The following PLCB4 variants were observed in gnomAD, a reference collection of about 807,000 sequenced individuals.
PLCB4 encodes phospholipase C beta 4, also known as 1-phosphatidylinositol 4,5-bisphosphate phosphodiesterase beta-4.
Under a neutral mutation model 178.8 loss-of-function variants are expected in PLCB4, and 77 were observed. That is an observed-to-expected ratio of 0.43 (90% CI 0.36 to 0.52). The LOEUF (loss-of-function observed/expected upper bound fraction) is 0.52, where lower values mean the gene tolerates loss of function less well. Among genes scored for constraint, PLCB4 ranks in the 20% least tolerant of loss-of-function variants. The pLI is 0.00. For synonymous variants in PLCB4, 496 were observed against 490.8 expected, an observed-to-expected ratio of 1.01 and a Z score of -0.14; for missense variants, 1,024 against 1,453.4, an observed-to-expected ratio of 0.70 and a Z score of 4.80.
At chr20:9,450,658 CTTTTTTTTTT>C (rs60982044) in intron 32 of PLCB4, among the ~76,000 whole-genome samples, 1 of 100,248 alleles carries the variant, frequency 1.0e-5, no homozygotes, top group South Asian at 3.3e-4. Flanking sequence ...CTTTTCTTTT[CTTTTTTTTTT>C]TTTTTTTTTT....
intron 3 of PLCB4, among the ~76,000 whole-genome samples, chr20:9,281,019 G>T (rs2094490819): frequency 6.6e-6 from 1 of 150,980 alleles, no homozygotes; most frequent in Non-Finnish European, 1.5e-5. Flanking sequence ...TCTGAAATTA[G>T]TTTCCCATAT....
chr20:9,450,321 T>A (rs1415708859), intron 32 of PLCB4, among the ~76,000 whole-genome samples: 8 of 152,158 alleles, frequency 5.3e-5, no homozygotes, highest in Admixed American at 4.6e-4. Context: ...TACAGCACAA[T>A]GAGCTGAGAC....
intron 4 of PLCB4, among the ~76,000 whole-genome samples, chr20:9,329,515 C>T (rs2031308549): frequency 6.6e-6 from 1 of 152,066 alleles, no homozygotes; most frequent in South Asian, 2.1e-4. Context: ...GTGCCACAGG[C>T]CTTTTGAATT....
At chr20:9,146,078 T>C (rs1039189527) in intron 2 of PLCB4, among the ~76,000 whole-genome samples, 1 of 152,154 alleles carries the variant, frequency 6.6e-6, no homozygotes, top group Admixed American at 6.6e-5. Context: ...AAAATAATTC[T>C]GTCAAAAGAT....
intron 20 of PLCB4, among the ~76,000 whole-genome samples, chr20:9,403,226 A>G (rs2039176039): frequency 6.6e-6 from 1 of 152,214 alleles, no homozygotes; most frequent in South Asian, 2.1e-4. Context: ...AGGTTGAGCT[A>G]GAGATACAAG....
At chr20:9,081,149 T>C (rs2090127125) in intron 1 of PLCB4, among the ~76,000 whole-genome samples, 1 of 152,196 alleles carries the variant, frequency 6.6e-6, no homozygotes, top group Non-Finnish European at 1.5e-5. Flanking sequence ...TCTCAGGAGT[T>C]TACAGTTTAC....
chr20:9,456,542 T>C (rs1225425736), intron 33 of PLCB4, among the ~76,000 whole-genome samples: 1 of 152,248 alleles, frequency 6.6e-6, no homozygotes, highest in African/African-American at 2.4e-5. Context: ...CATGCCCTTA[T>C]GCCCTCAGAT....
At position 9,423,908 on chromosome 20, in the gene PLCB4, T is replaced by C. The variant is rs1231518182; in HGVS notation, c.2480T>C (p.Phe827Ser). The C allele has an allele frequency of 6.2e-7, 1 of 1,613,550 alleles. No individual in the cohort carries two copies. Among genetic ancestry groups the C allele is most frequent in the East Asian group, 2.2e-5 (1 of 44,882 alleles). ...GNKPLSLPTI[F>S]CNIVLKTYVP... ...AAACCATTATCACTACCAACAATTT[T>C]CTGCAATATTGTTCTTAAAACATAT... The change falls in exon 28 of 40, where the codon TTC (phenylalanine) becomes TCC (serine). Residue 827 changes from phenylalanine to serine, a missense_variant. Physicochemically the swap from Phe to Ser is radical, Grantham distance 155. This residue lies in a region of PLCB4 where 227 missense variants were observed against 374.3 expected (regional missense o/e 0.61). Transcript: ENST00000378473.
intron 35 of PLCB4, among the ~76,000 whole-genome samples, chr20:9,467,133 C>T (rs1293105688): frequency 6.6e-6 from 1 of 152,154 alleles, no homozygotes; most frequent in East Asian, 1.9e-4. Context: ...TTTGCAGAGA[C>T]ATGGATGAAG....
intron 7 of PLCB4, among the ~76,000 whole-genome samples, chr20:9,355,338 C>CT (rs1206443993): frequency 2.0e-5 from 3 of 151,844 alleles, no homozygotes; most frequent in Non-Finnish European, 4.4e-5. Flanking sequence ...TACATGTGCA[C>CT]AATGTGCAGG....
At chr20:9,333,771 C>A (rs544784584) in intron 4 of PLCB4, among the ~76,000 whole-genome samples, 1 of 151,474 alleles carries the variant, frequency 6.6e-6, no homozygotes, top group Non-Finnish European at 1.5e-5. Context: ...GGTGTGTATT[C>A]GAAATATTAT....
chr20:9,292,674 G>A lies in PLCB4; in HGVS notation c.-15-15126G>A, dbSNP rs184905327. Among the ~76,000 whole-genome samples, 4 of 152,294 alleles carry A rather than the reference G, an allele frequency of 2.6e-5. No homozygotes were observed. The East Asian group carries it at 5.8e-4, about 22-fold the overall frequency. ...GAATGGAAACTCATTCTACAGGCCT[G>A]GTTTTAGCCTGCAGCAGGCAGGCAG... On this transcript the variant is annotated intron_variant, in intron 3 of 39. Transcript: ENST00000378473.
intron 4 of PLCB4, among the ~76,000 whole-genome samples, chr20:9,320,033 A>G (rs1023671768): frequency 1.3e-5 from 2 of 152,182 alleles, no homozygotes; most frequent in African/African-American, 4.8e-5. Context: ...CTCGCCCAAG[A>G]AAGAATTAGA....
At chr20:9,087,300 A>C (rs919206781) in intron 1 of PLCB4, among the ~76,000 whole-genome samples, 1 of 152,184 alleles carries the variant, frequency 6.6e-6, no homozygotes, top group African/African-American at 2.4e-5. Flanking sequence ...CACAAGACTT[A>C]TTTTATACTA....
intron 1 of PLCB4, among the ~76,000 whole-genome samples, chr20:9,072,270 C>G (rs1220938912): frequency 6.6e-6 from 1 of 152,148 alleles, no homozygotes; most frequent in Non-Finnish European, 1.5e-5. Context: ...CTATTTCCCT[C>G]TCATATTGGG....
chr20:9,085,299 C>T (rs953150827), intron 1 of PLCB4, among the ~76,000 whole-genome samples: 1 of 152,082 alleles, frequency 6.6e-6, no homozygotes, highest in Non-Finnish European at 1.5e-5. Context: ...GAAATGACCA[C>T]TGGTTTGGTC....
Position 9,372,413 on chromosome 20 carries a change from A to T in PLCB4, c.686+10A>T. The T allele has an allele frequency of 7.4e-7, 1 of 1,359,532 alleles. No individual in the cohort carries two copies. Among genetic ancestry groups the T allele is most frequent in the Non-Finnish European group, 1.0e-6 (1 of 957,030 alleles). The allele number at this position is 1,359,532 out of a possible 1,614,324, so 84.2% of individuals were successfully genotyped here. ...ATCTTTTCAAAAAAATGTAAGTTCC[A>T]CTTATGAGGAAGTGCCATATAAATA... On this transcript the variant is annotated intron_variant, in intron 11 of 39. Coordinates refer to ENST00000378473, the MANE Select transcript of PLCB4 (RefSeq NM_001377142.1).
chr20:9,379,525 C>T (rs1568688811), intron 12 of PLCB4, among the ~76,000 whole-genome samples: 2 of 151,922 alleles, frequency 1.3e-5, no homozygotes, highest in Non-Finnish European at 2.9e-5. Context: ...TTGTTGAGTG[C>T]CCAAGAAATC....
chr20:9,307,508 C>T (rs774550955), intron 3 of PLCB4, among the ~76,000 whole-genome samples: 5,968 of 85,582 alleles, frequency 0.07, 223 homozygotes, highest in Middle Eastern at 0.12. Context: ...CACACACACA[C>T]ACACACACAC....
Sources: gnomAD v4.1 joint callset for allele counts (sites outside exome capture counted in the v4.1 genomes callset) on GRCh38, gnomAD v4.1.1 for gene constraint, gnomAD v4.1.1 regional missense constraint, MANE v1.5 for transcripts, NCBI Gene and HGNC (gene_info 2026-07-23, HGNC 2026-07-21) for gene names.